Variants in GFRAL observed in about 807,000 individuals in gnomAD.
GFRAL encodes GDNF family receptor alpha like.
GFRAL carries 36 observed loss-of-function variants against 45.4 expected under a neutral mutation model. That is an observed-to-expected ratio of 0.79 (90% CI 0.61 to 1.05). The LOEUF is 1.05. GFRAL is among the 50% of genes least tolerant of loss of function. The pLI is 0.00. For synonymous variants in GFRAL, 166 were observed against 154.1 expected, an observed-to-expected ratio of 1.08 and a Z score of -0.57; for missense variants, 507 against 467.5, an observed-to-expected ratio of 1.08 and a Z score of -0.78.
intron 8 of GFRAL, among the ~76,000 whole-genome samples, chr6:55,401,243 T>A (rs1315108965): frequency 6.6e-6 from 1 of 152,162 alleles, no homozygotes; most frequent in East Asian, 1.9e-4. Flanking sequence ...TATCATAATG[T>A]GTAATCGGAA....
intron 6 of GFRAL, among the ~76,000 whole-genome samples, chr6:55,368,127 GGCTTT>G (rs1178031115): frequency 6.7e-6 from 1 of 149,922 alleles, no homozygotes; most frequent in Non-Finnish European, 1.5e-5. Context: ...ATTTCTTGGA[GGCTTT>G]GCTCATTTCT....
At chr6:55,348,159 T>A (rs1440813886) in intron 3 of GFRAL, among the ~76,000 whole-genome samples, 1 of 152,094 alleles carries the variant, frequency 6.6e-6, no homozygotes, top group Non-Finnish European at 1.5e-5. Flanking sequence ...AATACTTTTA[T>A]TTGTTTCCTG....
chr6:55,390,750 T>C (rs1395913533), intron 6 of GFRAL, among the ~76,000 whole-genome samples: 4 of 151,990 alleles, frequency 2.6e-5, no homozygotes, highest in African/African-American at 9.7e-5. Context: ...CAGCCAGGCA[T>C]GGTGGCGAGC....
chr6:55,364,793 T>G (rs1470777415), intron 6 of GFRAL, among the ~76,000 whole-genome samples: 28 of 151,920 alleles, frequency 1.8e-4, no homozygotes, highest in Non-Finnish European at 3.5e-4. Context: ...GTTCCATTGA[T>G]CTATATCTCT....
At chr6:55,337,661 T>A (rs1228705030) in intron 3 of GFRAL, among the ~76,000 whole-genome samples, 1 of 152,238 alleles carries the variant, frequency 6.6e-6, no homozygotes, top group Non-Finnish European at 1.5e-5. Context: ...GAATTTATGT[T>A]GGATTTTTAT....
intron 6 of GFRAL, among the ~76,000 whole-genome samples, chr6:55,363,126 G>A (rs1360061317): frequency 2.5e-5 from 2 of 78,864 alleles, no homozygotes; most frequent in Admixed American, 1.3e-4. Context: ...GGAAAACATA[G>A]CAATACAAAA....
chr6:55,384,126 G>T (rs1396002401), intron 6 of GFRAL, among the ~76,000 whole-genome samples: 2 of 151,954 alleles, frequency 1.3e-5, no homozygotes, highest in South Asian at 2.1e-4. Flanking sequence ...CTGTTGGGGG[G>T]TTGGGAGCTA....
At chr6:55,386,661 TTATC>T (rs1296186111) in intron 6 of GFRAL, among the ~76,000 whole-genome samples, 1 of 152,132 alleles carries the variant, frequency 6.6e-6, no homozygotes, top group Non-Finnish European at 1.5e-5. Flanking sequence ...CTCTAAGGAA[TTATC>T]TGGAAGATTT....
intron 6 of GFRAL, among the ~76,000 whole-genome samples, chr6:55,391,019 T>C (rs1201468535): frequency 6.6e-6 from 1 of 151,902 alleles, no homozygotes; most frequent in African/African-American, 2.4e-5. Context: ...TAAAAAAATA[T>C]AATCTATCGC....
chr6:55,394,102 C>T (rs1301445609), intron 6 of GFRAL, among the ~76,000 whole-genome samples: 1 of 151,986 alleles, frequency 6.6e-6, no homozygotes, highest in Non-Finnish European at 1.5e-5. Context: ...AGGATAATTT[C>T]CAGATTACCT....
At chr6:55,332,564 C>T (rs1767844316) in intron 2 of GFRAL, among the ~76,000 whole-genome samples, 1 of 151,988 alleles carries the variant, frequency 6.6e-6, no homozygotes, top group Non-Finnish European at 1.5e-5. Context: ...GCTGGGACTA[C>T]AGGCGCATGC....
chr6:55,356,571 T>A (rs1768197745), intron 5 of GFRAL, among the ~76,000 whole-genome samples: 1 of 151,946 alleles, frequency 6.6e-6, no homozygotes, highest in African/African-American at 2.4e-5. Context: ...TTTTAATCTC[T>A]GATTTCATTT....
At chr6:55,349,342 AAAT>A (rs1581906517) in intron 3 of GFRAL, among the ~76,000 whole-genome samples, 1 of 152,056 alleles carries the variant, frequency 6.6e-6, no homozygotes, top group East Asian at 1.9e-4. Flanking sequence ...TCCAATGAAA[AAAT>A]AATAATTTTC....
intron 1 of GFRAL, among the ~76,000 whole-genome samples, chr6:55,328,734 A>G (rs930983656): frequency 6.6e-6 from 1 of 152,006 alleles, no homozygotes; most frequent in Non-Finnish European, 1.5e-5. Context: ...TTGAAAAGGC[A>G]ATGGCCTCTT....
chr6:55,394,164 G>T (rs1490374420), intron 6 of GFRAL, among the ~76,000 whole-genome samples: 1 of 152,172 alleles, frequency 6.6e-6, no homozygotes, highest in Non-Finnish European at 1.5e-5. Flanking sequence ...CACAGTGAGA[G>T]AAGTAAGTAT....
intron 6 of GFRAL, among the ~76,000 whole-genome samples, chr6:55,373,579 C>G (rs998202579): frequency 1.3e-5 from 2 of 152,034 alleles, no homozygotes; most frequent in African/African-American, 4.8e-5. Context: ...CCTTCCTCAC[C>G]TCTGTGCCTC....
At chr6:55,366,167 G>A (rs1284118198) in intron 6 of GFRAL, among the ~76,000 whole-genome samples, 2 of 151,712 alleles carry the variant, frequency 1.3e-5, no homozygotes, top group African/African-American at 4.8e-5. Flanking sequence ...GTTTAGTCTT[G>A]GGAGAGTGTA....
At position 55,337,702 on chromosome 6, in the gene GFRAL, T is replaced by C. The variant is rs182755752; in HGVS notation, c.316+3758T>C. Reference sequence around the variant, plus strand: ...AAGTTTTCAGTTTACTGTTTCTTTTTGGTTTCTATCTCCCTACAAAATTGC... The same window carrying C: ...AAGTTTTCAGTTTACTGTTTCTTTTCGGTTTCTATCTCCCTACAAAATTGC... On this transcript the variant is annotated intron_variant, in intron 3 of 8. Coordinates refer to ENST00000340465, the MANE Select transcript of GFRAL (RefSeq NM_207410.2). Among the ~76,000 whole-genome samples, 119 of 152,346 alleles carry C rather than the reference T, an allele frequency of 7.8e-4. 1 individual carries two copies. The highest frequency in any genetic ancestry group is 6.8e-3 in the Middle Eastern group (2 of 294).
At chr6:55,390,454 A>T (rs1331984425) in intron 6 of GFRAL, among the ~76,000 whole-genome samples, 1 of 152,198 alleles carries the variant, frequency 6.6e-6, no homozygotes, top group Non-Finnish European at 1.5e-5. Flanking sequence ...ATTTTTATGG[A>T]AAAGATAAAA....
Sources: gnomAD v4.1 joint callset for allele counts (sites outside exome capture counted in the v4.1 genomes callset) on GRCh38, gnomAD v4.1.1 for gene constraint, MANE v1.5 for transcripts, NCBI Gene and HGNC (gene_info 2026-07-23, HGNC 2026-07-21) for gene names.